The following COLEC10 variants were observed in gnomAD, a reference collection of about 807,000 sequenced individuals.
The protein encoded by COLEC10 is collectin-10.
In COLEC10, 22 loss-of-function variants were observed where a neutral mutation model predicts 28.4. The observed-to-expected ratio is 0.78, with a 90% CI of 0.55 to 1.11. The LOEUF is 1.11. Ranked by LOEUF, COLEC10 falls within the 50% of genes least tolerant of loss-of-function variation. COLEC10 has a pLI of 0.00. For missense variants in COLEC10, 361 were observed against 344.1 expected (o/e 1.05, Z -0.39); for synonymous variants, 125 against 116.1 (o/e 1.08, Z -0.49).
chr8:119,078,006 G>T (rs968482731), intron 1 of COLEC10, among the ~76,000 whole-genome samples: 1 of 152,060 alleles, frequency 6.6e-6, no homozygotes, highest in African/African-American at 2.4e-5. Context: ...AAGAAAGGAC[G>T]ATAGTGTCAC....
chr8:118,986,911 A>G, the COLEC10 span, among the ~76,000 whole-genome samples: 1 of 152,170 alleles, frequency 6.6e-6, no homozygotes, highest in South Asian at 2.1e-4. Flanking sequence ...AGATGTTTTA[A>G]TGGGTAAGGG....
chr8:118,987,083 G>A, the COLEC10 span, among the ~76,000 whole-genome samples: 4 of 152,048 alleles, frequency 2.6e-5, no homozygotes, highest in African/African-American at 7.2e-5. Context: ...GAAGAGAGGC[G>A]AATACTTTGT....
intron 1 of COLEC10, among the ~76,000 whole-genome samples, chr8:119,080,871 C>T (rs1328975569): frequency 6.6e-6 from 1 of 152,054 alleles, no homozygotes; most frequent in Non-Finnish European, 1.5e-5. Flanking sequence ...CCCTAAGAGA[C>T]TTTCTATATG....
chr8:119,092,718 C>A (rs1006920522), intron 3 of COLEC10, among the ~76,000 whole-genome samples: 1 of 152,018 alleles, frequency 6.6e-6, no homozygotes, highest in Middle Eastern at 3.4e-3. Context: ...CAAGCCTGGC[C>A]AAGATAGCAA....
chr8:119,030,145 G>A (rs1814261930), intron 2 of COLEC10, among the ~76,000 whole-genome samples: 1 of 152,122 alleles, frequency 6.6e-6, no homozygotes, highest in Non-Finnish European at 1.5e-5. Flanking sequence ...GTAAAGCCAC[G>A]TGGTTGGGTA....
the COLEC10 span, among the ~76,000 whole-genome samples, chr8:118,977,706 C>A: frequency 1.4e-5 from 2 of 142,260 alleles, no homozygotes; most frequent in South Asian, 2.1e-4. Context: ...CATATGTAAC[C>A]TGCACATTGT....
At chr8:119,040,438 AGAAAT>A (rs1321007649) in intron 2 of COLEC10, among the ~76,000 whole-genome samples, 3 of 152,188 alleles carry the variant, frequency 2.0e-5, no homozygotes, top group African/African-American at 7.2e-5. Flanking sequence ...CTAAACCATA[AGAAAT>A]GAAATTAAGA....
the COLEC10 span, among the ~76,000 whole-genome samples, chr8:118,964,609 A>T: frequency 5.3e-5 from 8 of 152,210 alleles, no homozygotes; most frequent in Non-Finnish European, 1.2e-4. Flanking sequence ...ATGAAAGAAA[A>T]GGGAAAGATA....
At chr8:119,026,300 TC>T (rs1814190362) in intron 2 of COLEC10, among the ~76,000 whole-genome samples, 1 of 152,294 alleles carries the variant, frequency 6.6e-6, no homozygotes, top group Non-Finnish European at 1.5e-5. Flanking sequence ...ATGCCTGTAA[TC>T]CTAGCACTTT....
chr8:119,100,219 G>A (rs1287121271), intron 3 of COLEC10, among the ~76,000 whole-genome samples: 2 of 152,050 alleles, frequency 1.3e-5, no homozygotes, highest in African/African-American at 2.4e-5. Flanking sequence ...GTTAGAAATG[G>A]TTGGGCTGGA....
chr8:118,958,142 G>A, the COLEC10 span, among the ~76,000 whole-genome samples: 1 of 152,166 alleles, frequency 6.6e-6, no homozygotes, highest in Admixed American at 6.5e-5. Flanking sequence ...AGAGGAATAT[G>A]AACAATGCAT....
intron 2 of COLEC10, among the ~76,000 whole-genome samples, chr8:119,058,569 T>A (rs182359911): frequency 6.6e-6 from 1 of 152,260 alleles, no homozygotes; most frequent in East Asian, 1.9e-4. Context: ...AATTTGGAGA[T>A]GCAGTGCCAT....
chr8:119,051,910 G>T (rs186210166), intron 2 of COLEC10, among the ~76,000 whole-genome samples: 1 of 152,148 alleles, frequency 6.6e-6, no homozygotes, highest in Admixed American at 6.5e-5. Context: ...ATTGCTGTGC[G>T]ATATGAGGCA....
At chr8:118,967,400 C>G in the COLEC10 span, among the ~76,000 whole-genome samples, 1 of 152,094 alleles carries the variant, frequency 6.6e-6, no homozygotes, top group African/African-American at 2.4e-5. Context: ...AAAATTGACA[C>G]AGTATAATGC....
chr8:119,024,585 C>T (rs1450367488), intron 2 of COLEC10, among the ~76,000 whole-genome samples: 1 of 151,866 alleles, frequency 6.6e-6, no homozygotes, highest in Non-Finnish European at 1.5e-5. Context: ...CACATACACA[C>T]ACACACACAC....
the COLEC10 span, among the ~76,000 whole-genome samples, chr8:118,952,565 G>T: frequency 6.6e-6 from 1 of 152,208 alleles, no homozygotes; most frequent in Non-Finnish European, 1.5e-5. Context: ...TGGCCCTAAA[G>T]CCCGTGCTAT....
chr8:119,078,008 T>C (rs998934943), intron 1 of COLEC10, among the ~76,000 whole-genome samples: 1 of 152,078 alleles, frequency 6.6e-6, no homozygotes, highest in Non-Finnish European at 1.5e-5. Context: ...GAAAGGACGA[T>C]AGTGTCACAC....
rs1334981605 is a variant in COLEC10, at chr8:119,106,016, A to G, written c.659A>G (p.Tyr220Cys). Residue 220 changes from tyrosine (Y) to cysteine (C), a missense_variant, in exon 6 of 6, where the codon TAC (tyrosine) becomes TGC (cysteine). This residue lies in a region of COLEC10 where 335 missense variants were observed against 308.5 expected (regional missense o/e 1.09). Coordinates refer to ENST00000332843, the MANE Select transcript of COLEC10 (RefSeq NM_006438.5). ...AATGACCTTGAAAGGGAGGGACAGT[A>G]CATGTTCACAGACAACACTCCACTG... ...GVNDLEREGQ[Y>C]MFTDNTPLQN... The G allele has an allele frequency of 6.2e-7, 1 of 1,613,886 alleles. No homozygotes were observed. The highest frequency in any genetic ancestry group is 1.1e-5 in the South Asian group (1 of 91,082).
the COLEC10 span, among the ~76,000 whole-genome samples, chr8:118,963,350 G>A: frequency 0.33 from 49,592 of 151,982 alleles, 8,957 homozygotes; most frequent in East Asian, 0.49. Flanking sequence ...GTGTTACTAC[G>A]TAACATGTGA....
Sources: allele counts gnomAD v4.1 joint callset (sites outside exome capture counted in the v4.1 genomes callset), GRCh38; gene constraint gnomAD v4.1.1; regional missense constraint gnomAD v4.1.1; transcripts MANE v1.5; gene names NCBI Gene and HGNC (gene_info 2026-07-23, HGNC 2026-07-21).